The following FARP1 variants were observed in gnomAD, a reference collection of about 807,000 sequenced individuals.
The protein encoded by FARP1 is FERM, ARHGEF and pleckstrin domain-containing protein 1.
FARP1 carries 52 observed loss-of-function variants against 128.8 expected under a neutral mutation model. The observed-to-expected ratio is 0.40, with a 90% confidence interval of 0.32 to 0.51. The LOEUF (loss-of-function observed/expected upper bound fraction) is 0.51. FARP1 is among the 20% of genes least tolerant of loss of function. The pLI is 0.45. For synonymous variants in FARP1, 580 were observed against 551.8 expected (o/e 1.05, Z -0.72); for missense variants, 1,333 against 1,367.9 (o/e 0.97, Z 0.40).
chr13:98,436,887 A>G (rs1290702633), intron 19 of FARP1, among the ~76,000 whole-genome samples: 1 of 152,248 alleles, frequency 6.6e-6, no homozygotes, highest in Non-Finnish European at 1.5e-5. Flanking sequence ...CTCATGCTAC[A>G]TGGTGAACAG....
At chr13:98,365,581 G>T (rs187417356) in intron 4 of FARP1, 144 bp downstream of exon 4, 2 of 530,224 alleles carry the variant, frequency 3.8e-6, no homozygotes, top group African/African-American at 3.8e-5. Flanking sequence ...CGACTAATCC[G>T]TGTACTATTA....
In FARP1 at chr13:98,177,003, G is replaced by A. The variant is rs540571514; in HGVS notation, c.-24+33511G>A. ...GCGCCGCCTCCTCGCCCCTCCTGTC[G>A]CCGTGAGCCGCCTTCTGCCAGCTGT... On this transcript the variant is annotated intron_variant, in intron 1 of 26. Transcript: ENST00000319562. 1.4e-5 allele frequency: 23 copies of A among 1,597,506 alleles called. 1 individual carries two copies. The South Asian group carries it at 2.4e-4, about 17-fold the overall frequency.
chr13:98,285,787 AG>A (rs1206483351), intron 2 of FARP1, among the ~76,000 whole-genome samples: 1 of 152,216 alleles, frequency 6.6e-6, no homozygotes, highest in Non-Finnish European at 1.5e-5. Context: ...CTTACTAAGA[AG>A]ACAAGTTGTT....
chr13:98,332,995 G>GTGT (rs1241971922), intron 2 of FARP1: 1 of 152,154 alleles, frequency 6.6e-6, no homozygotes, highest in African/African-American at 2.4e-5. Flanking sequence ...GATACCAGGT[G>GTGT]TGTTTTCTAA....
At chr13:98,390,202 G>A in intron 10 of FARP1, 82 bp downstream of exon 10, 1 of 1,453,212 alleles carries the variant, frequency 6.9e-7, no homozygotes, top group South Asian at 1.3e-5. Flanking sequence ...CACACAGCAG[G>A]TCAGGGAGGT....
rs868376178 is a variant in FARP1, at chr13:98,373,533, G to C, written c.399-4288G>C. On this transcript the variant is annotated intron_variant, in intron 5 of 26. Transcript: ENST00000319562. Reference sequence around the variant, plus strand: ...TTGACTTTCCAGAGACAGACAGACAGACACACACACACACACACACACACA... The same window carrying C: ...TTGACTTTCCAGAGACAGACAGACACACACACACACACACACACACACACA... Among the ~76,000 whole-genome samples the C allele has an allele frequency of 8.6e-3, 1,124 of 131,064 alleles. 19 individuals are homozygous for C. Among genetic ancestry groups the C allele is most frequent in the African/African-American group, 0.029 (978 of 33,920 alleles). 86.0% of individuals were successfully genotyped at this position (131,064 alleles called of 152,430 possible).
At chr13:98,390,758 T>G in intron 10 of FARP1, 54 bp from the exon 11 acceptor site, 1 of 1,329,012 alleles carries the variant, frequency 7.5e-7, no homozygotes. Flanking sequence ...TTTGTGTGTT[T>G]AAATGAGAAT....
intron 1 of FARP1, among the ~76,000 whole-genome samples, chr13:98,144,550 C>A (rs1875370011): frequency 2.0e-5 from 3 of 152,176 alleles, no homozygotes; most frequent in Non-Finnish European, 4.4e-5. Flanking sequence ...CAGCCCTGGT[C>A]TCTGCGTGGA....
chr13:98,390,062 G>A lies in FARP1; in HGVS notation c.961G>A (p.Glu321Lys), dbSNP rs759947424. 6.2e-7 allele frequency: 1 copy of A among 1,614,166 alleles called. No homozygotes were observed. The highest frequency in any genetic ancestry group is 8.5e-7 in the Non-Finnish European group (1 of 1,180,036). ...EHHAFFRLFE[E>K]PKPKPKPVLF... ...TCATGCCTTCTTTAGACTTTTTGAA[G>A]AGCCCAAACCAAAGCCCAAGCCCGT... Residue 321 changes from glutamate (E) to lysine (K), a missense_variant, in exon 10 of 27, where the codon GAG becomes AAG. Glu to Lys is a moderately conservative substitution (Grantham distance 56). Coordinates refer to ENST00000319562, the MANE Select transcript of FARP1 (RefSeq NM_005766.4).
chr13:98,224,769 T>C (rs1262877096), intron 2 of FARP1, among the ~76,000 whole-genome samples: 1 of 152,050 alleles, frequency 6.6e-6, no homozygotes, highest in Non-Finnish European at 1.5e-5. Context: ...GGGCACCCTC[T>C]GTGGTTGGAG....
chr13:98,446,976 C>G (rs1892885670), intron 26 of FARP1, 159 bp downstream of exon 26: 4 of 719,192 alleles, frequency 5.6e-6, no homozygotes, highest in Non-Finnish European at 9.1e-6. Flanking sequence ...GCAGGCGATT[C>G]TGTTCTCATG....
chr13:98,209,624 C>A (rs1355823527), intron 1 of FARP1, among the ~76,000 whole-genome samples: 1 of 149,160 alleles, frequency 6.7e-6, no homozygotes, highest in Non-Finnish European at 1.5e-5. Context: ...TGGTGAAACC[C>A]TGTCTCTACT....
chr13:98,371,316 A>T (rs941481572), intron 5 of FARP1, among the ~76,000 whole-genome samples: 1 of 147,384 alleles, frequency 6.8e-6, no homozygotes. Context: ...GTTGGCTACC[A>T]TTCTGGCCCT....
chr13:98,356,619 A>C (rs1276396811), intron 3 of FARP1, among the ~76,000 whole-genome samples: 1 of 91,984 alleles, frequency 1.1e-5, no homozygotes, highest in Non-Finnish European at 2.2e-5. Flanking sequence ...ACCCTTTTAA[A>C]ATTTTATTTA....
chr13:98,448,159 T>G, intron 26 of FARP1, 77 bp from the exon 27 acceptor site: 1 of 1,261,526 alleles, frequency 7.9e-7, no homozygotes, highest in Non-Finnish European at 1.2e-6. Context: ...ACCTTGTGTT[T>G]CTGTAAGCGA....
chr13:98,363,710 G>T (rs1393082460), intron 3 of FARP1, among the ~76,000 whole-genome samples: 1 of 152,128 alleles, frequency 6.6e-6, no homozygotes, highest in African/African-American at 2.4e-5. Context: ...AAAGGTCTAG[G>T]CTCTCCTGTG....
chr13:98,313,313 A>AACAC (rs10684013), intron 2 of FARP1, among the ~76,000 whole-genome samples: 21,105 of 139,250 alleles, frequency 0.15, 2,077 homozygotes, highest in South Asian at 0.25. Context: ...CCTTCCCCCA[A>AACAC]ACACACACAC....
chr13:98,153,296 AAAT>A (rs1423692818), intron 1 of FARP1, among the ~76,000 whole-genome samples: 3 of 13,674 alleles, frequency 2.2e-4, no homozygotes, highest in African/African-American at 3.6e-4. Flanking sequence ...AAATATATAT[AAAT>A]ATATTTATAT....
At chr13:98,383,302 C>T (rs1468295995) in intron 6 of FARP1, among the ~76,000 whole-genome samples, 2 of 152,152 alleles carry the variant, frequency 1.3e-5, no homozygotes, top group Admixed American at 6.5e-5. Context: ...TGTGATGGAG[C>T]GTGGCAATTT....
Sources: gnomAD v4.1 joint callset for allele counts (sites outside exome capture counted in the v4.1 genomes callset) on GRCh38, gnomAD v4.1.1 for gene constraint, MANE v1.5 for transcripts, NCBI Gene and HGNC (gene_info 2026-07-23, HGNC 2026-07-21) for gene names.